Variants in MSRA observed in about 807,000 individuals in gnomAD.
The protein encoded by MSRA is mitochondrial peptide methionine sulfoxide reductase.
MSRA carries 54 observed loss-of-function variants against 31.3 expected under a neutral mutation model. The ratio of observed to expected loss-of-function variants is 1.73; its 90% CI spans 1.39 to 2.17. The LOEUF (loss-of-function observed/expected upper bound fraction) is 2.17, where lower values mean the gene tolerates loss of function less well. Among genes scored for constraint, MSRA ranks in the 30% most tolerant of loss-of-function variants. The pLI is 0.00. For missense variants in MSRA, 507 were observed against 300.9 expected (o/e 1.69, Z -5.07); for synonymous variants, 169 against 116.5 (o/e 1.45, Z -2.90).
rs10903326 is a variant in MSRA, at chr8:10,428,315, T to G, written c.*3T>G. ...GCCCAGTGGGTATTAAAAAATAATTTCTCCCCACATGGTGGGCCTTTGAGG... is the reference window on the plus strand; with the variant it reads ...GCCCAGTGGGTATTAAAAAATAATTGCTCCCCACATGGTGGGCCTTTGAGG... On this transcript the variant is annotated 3_prime_UTR_variant, in exon 6 of 6. Transcript: ENST00000317173. The G allele has an allele frequency of 0.99, 1,589,105 of 1,611,778 alleles. 785,923 individuals are homozygous for G. Among genetic ancestry groups the G allele is most frequent in the East Asian group, 1 (44,865 of 44,872 alleles).
At chr8:10,423,516 AG>A (rs1260147851) in intron 5 of MSRA, among the ~76,000 whole-genome samples, 4 of 127,288 alleles carry the variant, frequency 3.1e-5, no homozygotes, top group Non-Finnish European at 5.1e-5. Flanking sequence ...TGGGGCGGGG[AG>A]GGGGGGTGGC....
At chr8:10,332,412 C>G (rs1294526874) in intron 5 of MSRA, among the ~76,000 whole-genome samples, 2 of 151,768 alleles carry the variant, frequency 1.3e-5, no homozygotes, top group African/African-American at 2.4e-5. Flanking sequence ...TGGAAAAACC[C>G]TGAATAATTC....
chr8:10,142,025 C>G (rs551765985), intron 1 of MSRA, among the ~76,000 whole-genome samples: 25 of 152,324 alleles, frequency 1.6e-4, no homozygotes, highest in Non-Finnish European at 3.5e-4. Context: ...ATGGCGCGAT[C>G]TTGGCTCACC....
chr8:10,400,921 G>A lies in MSRA; in HGVS notation c.544-27227G>A, dbSNP rs542248592. ...ATATAAGAGCTAAAACGATAAATCCGTCTCAGGAAAACATAGAGGAAAGTC... is the reference window on the plus strand; with the variant it reads ...ATATAAGAGCTAAAACGATAAATCCATCTCAGGAAAACATAGAGGAAAGTC... On this transcript the variant is annotated intron_variant, in intron 5 of 5. Coordinates refer to ENST00000317173, the MANE Select transcript of MSRA (RefSeq NM_012331.5). Among the ~76,000 whole-genome samples the A allele has an allele frequency of 6.9e-4, 105 of 152,212 alleles. 2 individuals are homozygous for A. In the South Asian group the frequency reaches 0.013, roughly 18 times the overall value.
At chr8:10,299,676 C>T (rs1800738141) in intron 3 of MSRA, among the ~76,000 whole-genome samples, 1 of 152,044 alleles carries the variant, frequency 6.6e-6, no homozygotes, top group African/African-American at 2.4e-5. Context: ...AATATAAATT[C>T]ATCCTAAATA....
chr8:10,105,024 G>T (rs1385575726), intron 1 of MSRA, among the ~76,000 whole-genome samples: 4 of 152,172 alleles, frequency 2.6e-5, no homozygotes, highest in Non-Finnish European at 5.9e-5. Context: ...TGGTATAGCT[G>T]ATTACTTAGT....
intron 1 of MSRA, among the ~76,000 whole-genome samples, chr8:10,064,714 A>T (rs1207139058): frequency 6.6e-6 from 1 of 152,204 alleles, no homozygotes; most frequent in African/African-American, 2.4e-5. Context: ...CCTTTGATTT[A>T]AAAAAATTAG....
chr8:10,328,521 G>A (rs919545733), intron 5 of MSRA, among the ~76,000 whole-genome samples: 3 of 152,036 alleles, frequency 2.0e-5, no homozygotes, highest in African/African-American at 7.3e-5. Context: ...ACCCGCACAG[G>A]CAGCAGAGTG....
Position 10,172,392 on chromosome 8 carries a change from C to T in MSRA, c.143-35441C>T, listed in dbSNP as rs80340159. ...ACATGGCTCCTGGGCTTCATTCTGG[C>T]GCTGTCTCTGAAGCTTGAGCGGAAG... On this transcript the variant is annotated intron_variant, in intron 1 of 5. Coordinates refer to ENST00000317173, the MANE Select transcript of MSRA (RefSeq NM_012331.5). Among the ~76,000 whole-genome samples the T allele has an allele frequency of 9.9e-5, 15 of 152,028 alleles. No homozygotes were observed. In the South Asian group the frequency reaches 1.2e-3, roughly 13 times the overall value.
chr8:10,234,006 G>C (rs1585232783), intron 2 of MSRA, among the ~76,000 whole-genome samples: 1 of 152,148 alleles, frequency 6.6e-6, no homozygotes, highest in African/African-American at 2.4e-5. Flanking sequence ...ATCGTGAGAA[G>C]ACAATGGAGT....
intron 5 of MSRA, among the ~76,000 whole-genome samples, chr8:10,423,073 G>C (rs1031512428): frequency 6.6e-6 from 1 of 152,168 alleles, no homozygotes; most frequent in African/African-American, 2.4e-5. Context: ...TAAAGATTCA[G>C]TAGGTGATGT....
intron 5 of MSRA, among the ~76,000 whole-genome samples, chr8:10,401,445 A>C (rs756298492): frequency 6.6e-6 from 1 of 152,158 alleles, no homozygotes; most frequent in Non-Finnish European, 1.5e-5. Context: ...AGAAATTGGA[A>C]CCCTTGTGCA....
At chr8:10,185,602 A>G (rs1216284577) in intron 1 of MSRA, among the ~76,000 whole-genome samples, 1 of 152,196 alleles carries the variant, frequency 6.6e-6, no homozygotes, top group Admixed American at 6.5e-5. Context: ...AGAAGAGGGA[A>G]AGAACCAAAG....
At chr8:10,411,683 T>G (rs1278323655) in intron 5 of MSRA, 1 of 152,216 alleles carries the variant, frequency 6.6e-6, no homozygotes, top group Non-Finnish European at 1.5e-5. Flanking sequence ...AATATTGAAA[T>G]GAGCACAACC....
In MSRA at chr8:10,109,387, G is replaced by T. The variant is rs1047217960; in HGVS notation, c.142+54729G>T. 6.6e-5 allele frequency among the ~76,000 whole-genome samples: 10 copies of T among 150,812 alleles called. 1 individual carries two copies. The highest frequency in any genetic ancestry group is 2.4e-4 in the African/African-American group (10 of 40,918). ...GATGGGGTCTTACTCTGTCACCCAG[G>T]CTGGAGTGCAGAGATGCAGTCTTGG... On this transcript the variant is annotated intron_variant, in intron 1 of 5. Coordinates refer to ENST00000317173, the MANE Select transcript of MSRA (RefSeq NM_012331.5).
intron 5 of MSRA, chr8:10,326,741 G>A (rs1270852527): frequency 1.3e-5 from 2 of 152,036 alleles, no homozygotes; most frequent in Admixed American, 6.6e-5. Context: ...TTTGCTTATA[G>A]CACTAATTGC....
chr8:10,244,404 G>A (rs4840468), intron 2 of MSRA, among the ~76,000 whole-genome samples: 3 of 151,966 alleles, frequency 2.0e-5, no homozygotes, highest in Admixed American at 1.3e-4. Flanking sequence ...AGATCCTGTG[G>A]CCACTGGTAT....
intron 3 of MSRA, among the ~76,000 whole-genome samples, chr8:10,247,989 A>C (rs1041323243): frequency 2.0e-5 from 3 of 152,172 alleles, no homozygotes; most frequent in African/African-American, 7.2e-5. Context: ...GACATAAAGC[A>C]GGTTACACTG....
At chr8:10,247,816 A>G (rs1797703331) in intron 3 of MSRA, among the ~76,000 whole-genome samples, 1 of 152,246 alleles carries the variant, frequency 6.6e-6, no homozygotes, top group Non-Finnish European at 1.5e-5. Flanking sequence ...GAAAAACAAA[A>G]AGGCAGAGAG....
Sources: gnomAD v4.1 joint callset for allele counts (sites outside exome capture counted in the v4.1 genomes callset) on GRCh38, gnomAD v4.1.1 for gene constraint, MANE v1.5 for transcripts, NCBI Gene and HGNC (gene_info 2026-07-23, HGNC 2026-07-21) for gene names.